PIEZO2: variants seen among roughly 807,000 people sequenced by gnomAD.
The protein encoded by PIEZO2 is piezo type mechanosensitive ion channel component 2.
A neutral mutation model predicts 337.3 loss-of-function variants in PIEZO2; 172 were observed. The ratio of observed to expected loss-of-function variants is 0.51; its 90% CI spans 0.45 to 0.58. The LOEUF (loss-of-function observed/expected upper bound fraction) is 0.58, where lower values mean the gene tolerates loss of function less well. Ranked by LOEUF, PIEZO2 falls within the 20% of genes least tolerant of loss-of-function variation. The pLI is 0.00. For synonymous variants in PIEZO2, 1,251 were observed against 1,228.5 expected, an observed-to-expected ratio of 1.02 and a Z score of -0.38; for missense variants, 3,028 against 3,391.3, an observed-to-expected ratio of 0.89 and a Z score of 2.66.
chr18:11,069,302 C>T lies in PIEZO2; in HGVS notation c.65-3080G>A, dbSNP rs1347691760. 6.6e-6 allele frequency among the ~76,000 whole-genome samples: 1 copy of T among 152,074 alleles called. No homozygotes were observed. The highest frequency in any genetic ancestry group is 1.5e-5 in the Non-Finnish European group (1 of 68,020). On this transcript the variant is annotated intron_variant, in intron 1 of 55. Coordinates refer to ENST00000674853, the MANE Select transcript of PIEZO2 (RefSeq NM_001378183.1). The surrounding 1 kb of genome is among the most constrained non-coding windows in gnomAD (Gnocchi z 4.9). The stretch of plus-strand genomic sequence containing the variant: ...CAACAAAATGCAAGCAAACCCCACT[C>T]GGCAATGCATTAAAAGCCTCCTTCA...
chr18:11,137,477 T>C (rs1420545161), intron 1 of PIEZO2, among the ~76,000 whole-genome samples: 1 of 152,194 alleles, frequency 6.6e-6, no homozygotes, highest in Non-Finnish European at 1.5e-5. Flanking sequence ...CTAGAGATGA[T>C]GTAATTGAAA....
rs146431966 is a variant in PIEZO2 at position 10,944,221 on chromosome 18, G to A, written c.287-32993C>T. The stretch of plus-strand genomic sequence containing the variant: ...TCATCAGTTTGGGCACAAGTGAATA[G>A]GGGATCAGGAAATGAAAGCTCAAAA... On this transcript the variant is annotated intron_variant, in intron 3 of 55. Coordinates refer to ENST00000674853, the MANE Select transcript of PIEZO2 (RefSeq NM_001378183.1). Among the ~76,000 whole-genome samples the A allele has an allele frequency of 1.1e-4, 16 of 152,134 alleles. No homozygotes were observed. The East Asian group carries it at 2.9e-3, about 28-fold the overall frequency.
rs1265208883 is a variant in PIEZO2 at position 10,700,490 on chromosome 18, AAAGAAT to A, written c.6442-1319_6442-1314del. Among the ~76,000 whole-genome samples the A allele has an allele frequency of 9.9e-5, 15 of 152,146 alleles. No individual in the cohort carries two copies. The East Asian group carries it at 1.9e-3, about 20-fold the overall frequency. ...ATTCATATATTTGAAATTTTCAAAA[AAAGAAT>A]AAGATCAATATGAAACACCAAGATT... is the stretch of plus-strand genomic sequence containing the variant. On this transcript the variant is annotated intron_variant, in intron 43 of 55. Coordinates refer to ENST00000674853, the MANE Select transcript of PIEZO2 (RefSeq NM_001378183.1).
rs754874314 is a variant in PIEZO2, at chr18:10,704,579, A to G, written c.6073T>C (p.Tyr2025His). 2 of 1,537,306 alleles carry G rather than the reference A, an allele frequency of 1.3e-6. No homozygotes were observed. The highest frequency in any genetic ancestry group is 2.4e-5 in the South Asian group (2 of 84,070). Residue 2025 changes from tyrosine (Y) to histidine (H), a missense_variant, in exon 42 of 56, where the codon TAT becomes CAT. Tyr to His is a moderately conservative substitution (Grantham distance 83). Around this residue, in one of 5 missense-constraint regions of PIEZO2, gnomAD observed 1,925 missense variants for 2,051.9 expected, o/e 0.94. Transcript: ENST00000674853. ...GCCACCAGGGTATTGTACATGGCATAGAAGAGCAGCAGAAATCGGGGCTGC... is the reference window on the plus strand; with the variant it reads ...GCCACCAGGGTATTGTACATGGCATGGAAGAGCAGCAGAAATCGGGGCTGC... ...VGQPRFLLLF[Y>H]AMYNTLVARS...
intron 2 of PIEZO2, among the ~76,000 whole-genome samples, chr18:11,026,436 C>T (rs1018860975): frequency 6.6e-6 from 1 of 152,134 alleles, no homozygotes; most frequent in Non-Finnish European, 1.5e-5. Context: ...TCCCCGTTCC[C>T]GGAGTGGCTC....
At chr18:10,768,251 G>A (rs2038449844) in intron 21 of PIEZO2, among the ~76,000 whole-genome samples, 1 of 152,108 alleles carries the variant, frequency 6.6e-6, no homozygotes. Flanking sequence ...AGTCACTGTA[G>A]GATTTTGTAT....
intron 4 of PIEZO2, among the ~76,000 whole-genome samples, chr18:10,874,895 A>G (rs1409985487): frequency 1.3e-5 from 2 of 152,214 alleles, no homozygotes; most frequent in Non-Finnish European, 2.9e-5. Flanking sequence ...TCTAATGTTC[A>G]ATAGCACAGT....
chr18:10,801,313 C>A, intron 10 of PIEZO2, 77 bp downstream of exon 10: 1 of 1,274,002 alleles, frequency 7.8e-7, no homozygotes. Flanking sequence ...TTAAAATAGA[C>A]TCAAAGGAGC....
chr18:10,998,436 C>CT (rs1168251244), intron 2 of PIEZO2, among the ~76,000 whole-genome samples: 2 of 151,976 alleles, frequency 1.3e-5, no homozygotes, highest in Non-Finnish European at 2.9e-5. Flanking sequence ...AAAAATCTCT[C>CT]TTTTTTGGAT....
chr18:10,986,581 C>T (rs931192487), intron 2 of PIEZO2, among the ~76,000 whole-genome samples: 10 of 151,866 alleles, frequency 6.6e-5, no homozygotes, highest in Admixed American at 2.0e-4. Context: ...TACCTTAACA[C>T]AACGAAAACC....
intron 7 of PIEZO2, among the ~76,000 whole-genome samples, chr18:10,810,814 C>A (rs917730811): frequency 2.6e-5 from 4 of 152,134 alleles, no homozygotes; most frequent in Admixed American, 2.6e-4. Flanking sequence ...ACAGGCAGAG[C>A]TTCATAGACT....
chr18:11,067,349 T>C (rs528490229), intron 1 of PIEZO2, among the ~76,000 whole-genome samples: 1 of 152,150 alleles, frequency 6.6e-6, no homozygotes, highest in African/African-American at 2.4e-5. Context: ...AATGGAGAAA[T>C]CTAGCAATAA....
At chr18:10,981,740 A>G (rs968394653) in intron 2 of PIEZO2, among the ~76,000 whole-genome samples, 5 of 152,242 alleles carry the variant, frequency 3.3e-5, no homozygotes, top group African/African-American at 7.2e-5. Context: ...GCACCATTTA[A>G]TCAGCTGCCA....
chr18:10,799,193 T>C (rs2039716561), intron 11 of PIEZO2, among the ~76,000 whole-genome samples: 1 of 151,250 alleles, frequency 6.6e-6, no homozygotes, highest in Admixed American at 6.6e-5. Flanking sequence ...CAGATGCAAA[T>C]TGGAGAGCTG....
intron 36 of PIEZO2, chr18:10,728,327 CT>C (rs1411996313): frequency 6.6e-6 from 1 of 152,302 alleles, no homozygotes; most frequent in East Asian, 1.9e-4. Context: ...CAGGCACACT[CT>C]AAATAAGTCA....
chr18:10,967,912 T>C (rs1376382512), intron 3 of PIEZO2, among the ~76,000 whole-genome samples: 1 of 152,138 alleles, frequency 6.6e-6, no homozygotes, highest in African/African-American at 2.4e-5. Context: ...CTGCTGATTA[T>C]TATTATTATT....
chr18:10,714,775 G>T lies in PIEZO2; in HGVS notation c.5412C>A (p.Asp1804Glu). 1.3e-6 allele frequency: 2 copies of T among 1,537,146 alleles called. No homozygotes were observed. Among genetic ancestry groups the T allele is most frequent in the Non-Finnish European group, 1.7e-6 (2 of 1,146,874 alleles). Residue 1804 changes from aspartate (D) to glutamate (E), a missense_variant, in exon 39 of 56, where the codon GAC (aspartate) becomes GAA (glutamate). Transcript: ENST00000674853. ...AGAAAGTGAAATACCTGGAGATACT[G>T]TCATGTGAATCTAAACTATCCATCC... Reference protein sequence around the residue: ...AHRMDSLDSHDSISSCYTEAT... With the variant: ...AHRMDSLDSHESISSCYTEAT...
chr18:10,762,678 G>A, intron 22 of PIEZO2, 53 bp from the exon 23 acceptor site: 1 of 1,518,832 alleles, frequency 6.6e-7, no homozygotes, highest in South Asian at 1.2e-5. Flanking sequence ...GATTAGGAGA[G>A]CTCAGGTTAT....
intron 2 of PIEZO2, among the ~76,000 whole-genome samples, chr18:11,023,699 G>A (rs1245629325): frequency 6.6e-6 from 1 of 152,206 alleles, no homozygotes; most frequent in Non-Finnish European, 1.5e-5. Flanking sequence ...GGAGCAGGGG[G>A]CGGCGCTCGT....
Sources: allele counts gnomAD v4.1 joint callset (sites outside exome capture counted in the v4.1 genomes callset), GRCh38; gene constraint gnomAD v4.1.1; regional missense constraint gnomAD v4.1.1; non-coding constraint Gnocchi (gnomAD v3.1); transcripts MANE v1.5; gene names NCBI Gene and HGNC (gene_info 2026-07-23, HGNC 2026-07-21).